Variants in MROH1 observed in about 807,000 individuals in gnomAD.
The protein encoded by MROH1 is maestro heat like repeat family member 1, also known as maestro heat-like repeat-containing protein family member 1.
MROH1 carries 117 observed loss-of-function variants against 116.5 expected under a neutral mutation model. That is an observed-to-expected ratio of 1.00 (90% CI 0.86 to 1.17). The LOEUF (loss-of-function observed/expected upper bound fraction) is 1.17, where lower values mean the gene tolerates loss of function less well. MROH1 is among the 50% of genes most tolerant of loss of function. The probability of loss-of-function intolerance (pLI) is 0.00; values close to 1 mark genes in which losing one functional copy is unlikely to be tolerated. For synonymous variants in MROH1, 921 were observed against 583.9 expected (o/e 1.58, Z -8.32); for missense variants, 1,873 against 1,338.5 (o/e 1.40, Z -6.23).
intron 1 of MROH1, among the ~76,000 whole-genome samples, chr8:144,148,486 G>C (rs1454231066): frequency 3.3e-5 from 5 of 152,074 alleles, no homozygotes; most frequent in African/African-American, 1.2e-4. Flanking sequence ...GGTGGTCCCC[G>C]GCCCTTCTCC....
intron 11 of MROH1, among the ~76,000 whole-genome samples, chr8:144,199,628 C>T (rs1830668531): frequency 1.3e-5 from 2 of 152,238 alleles, no homozygotes; most frequent in Non-Finnish European, 2.9e-5. Context: ...TCACCACCCC[C>T]ACTGGATGCT....
intron 1 of MROH1, among the ~76,000 whole-genome samples, chr8:144,149,243 G>A (rs1816159693): frequency 6.6e-6 from 1 of 152,168 alleles, no homozygotes; most frequent in Non-Finnish European, 1.5e-5. Flanking sequence ...GCTGCCGTCA[G>A]CAGGATCTTC....
Position 144,261,788 on chromosome 8 carries a change from C to T in MROH1, c.*48C>T. On this transcript the variant is annotated 3_prime_UTR_variant, in exon 44 of 44. Coordinates refer to ENST00000326134, the MANE Select transcript of MROH1 (RefSeq NM_032450.3). ...GAGGAGTATGCACCCAGACCTGTGC[C>T]TGAGCTCCAAGACAGGGCCTCCTGA... is the stretch of plus-strand genomic sequence containing the variant. 1 of 700,316 alleles carries T rather than the reference C, an allele frequency of 1.4e-6. No individual in the cohort carries two copies. 43.4% of individuals were successfully genotyped at this position (700,316 alleles called of 1,614,324 possible). A position where few individuals can be genotyped will look rare whatever the true frequency, so the allele number is the denominator to read the frequency against.
chr8:144,251,519 T>C (rs1842842559), intron 33 of MROH1: 1 of 152,268 alleles, frequency 6.6e-6, no homozygotes, highest in Admixed American at 6.5e-5. Flanking sequence ...CTTTTAGCGT[T>C]TGCCCTAAAG....
chr8:144,190,661 G>A, intron 7 of MROH1, 123 bp from the exon 8 acceptor site: 2 of 1,136,940 alleles, frequency 1.8e-6, no homozygotes, highest in African/African-American at 1.6e-5. Flanking sequence ...TGCTTGGCTG[G>A]TGTTCTAGGG....
chr8:144,166,227 C>T (rs562164403), intron 3 of MROH1, among the ~76,000 whole-genome samples: 1 of 152,302 alleles, frequency 6.6e-6, no homozygotes, highest in South Asian at 2.1e-4. Context: ...AAGGTGCAGC[C>T]CAAAGGCCCC....
At position 144,200,524 on chromosome 8, in the gene MROH1, A is replaced by C; in HGVS notation, c.1124A>C (p.His375Pro). ...GTGGGCACCCTGCAGGTGGTCAGACATGTCATCAACTCAGCTGGTGAGTGC... is the reference window on the plus strand; with the variant it reads ...GTGGGCACCCTGCAGGTGGTCAGACCTGTCATCAACTCAGCTGGTGAGTGC... The part of the protein sequence containing the change: ...TRVGTLQVVR[H>P]VINSAAAQME... The change falls in exon 12 of 44, where the codon CAT (histidine) becomes CCT (proline). Residue 375 changes from histidine (H) to proline (P), a missense_variant. Transcript: ENST00000326134. 6.4e-7 allele frequency: 1 copy of C among 1,550,980 alleles called. No homozygotes were observed. Among genetic ancestry groups the C allele is most frequent in the Middle Eastern group, 1.7e-4 (1 of 5,812 alleles).
chr8:144,178,101 A>C (rs952255942), intron 4 of MROH1, among the ~76,000 whole-genome samples: 1 of 149,386 alleles, frequency 6.7e-6, no homozygotes, highest in African/African-American at 2.5e-5. Context: ...CTGGGATTAC[A>C]GGTGCCGGCC....
chr8:144,236,613 G>A (rs1840081205), intron 14 of MROH1, among the ~76,000 whole-genome samples: 2 of 151,712 alleles, frequency 1.3e-5, no homozygotes, highest in Non-Finnish European at 2.9e-5. Context: ...TATGGTGGTG[G>A]GCGCCTGTAA....
intron 10 of MROH1, among the ~76,000 whole-genome samples, chr8:144,197,453 T>TTTTTTTTG: frequency 1.6e-5 from 2 of 121,286 alleles, no homozygotes; most frequent in African/African-American, 2.9e-5. Flanking sequence ...TTTTTTTTTT[T>TTTTTTTTG]GAGACGGAAT....
intron 12 of MROH1, among the ~76,000 whole-genome samples, chr8:144,216,152 C>T (rs1835209094): frequency 6.6e-6 from 1 of 151,634 alleles, no homozygotes; most frequent in South Asian, 2.1e-4. Flanking sequence ...GCACTCCAGC[C>T]TGGGCAGCAA....
At chr8:144,220,505 G>A (rs2132367679) in intron 12 of MROH1, 95 bp from the exon 13 acceptor site, 1 of 1,061,886 alleles carries the variant, frequency 9.4e-7, no homozygotes, top group Non-Finnish European at 1.4e-6. Flanking sequence ...CTCCTACACG[G>A]GGACCACGGG....
At chr8:144,198,776 C>A (rs1393942523) in intron 10 of MROH1, among the ~76,000 whole-genome samples, 2 of 152,134 alleles carry the variant, frequency 1.3e-5, no homozygotes, top group African/African-American at 4.8e-5. Context: ...TCTTGGGAAT[C>A]TCTTTTCCTG....
Position 144,192,290 on chromosome 8 carries a change from TTC to T in MROH1, c.856-16_856-15del. 6.4e-7 allele frequency: 1 copy of T among 1,570,306 alleles called. No homozygotes were observed. The highest frequency in any genetic ancestry group is 8.6e-7 in the Non-Finnish European group (1 of 1,160,442). On this transcript the variant is annotated splice_polypyrimidine_tract_variant and intron_variant, in intron 9 of 43. Transcript: ENST00000326134. ...GGCTGGAGGTAGGACTGACGGCCTC[TTC>T]TCCCTACCCGGAGCAGAGCCTGGGC...
At chr8:144,179,839 G>A (rs1825098116) in intron 5 of MROH1, among the ~76,000 whole-genome samples, 2 of 152,180 alleles carry the variant, frequency 1.3e-5, no homozygotes. Flanking sequence ...TGTGCGTGCA[G>A]CTGGGGCCAA....
At position 144,159,281 on chromosome 8, in the gene MROH1, C is replaced by G. The variant is rs138692192; in HGVS notation, c.-176-1689C>G. 6.6e-5 allele frequency among the ~76,000 whole-genome samples: 10 copies of G among 152,254 alleles called. No individual in the cohort carries two copies. In the Middle Eastern group the frequency reaches 0.01, roughly 155 times the overall value. ...GCTGAGGCAGGAGAATCACTTAAAC[C>G]CGGAAGGCGGAGGTTGTAGTGAGCC... On this transcript the variant is annotated intron_variant, in intron 1 of 43. Transcript: ENST00000326134.
In MROH1 at chr8:144,260,350, C is replaced by T; in HGVS notation, c.4356C>T (p.Ile1452=). ...GCTCAGGGCTGCTGCACGTGGCCAT[C>T]CGCATCCGGCCTTTCTTCGACAGTG... ...DLRSGLLHVA[I]RIRPFFDSEK... is the part of the protein sequence containing the mutation. The change falls in exon 39 of 44, where the codon ATC becomes ATT. Residue 1452 remains isoleucine (I), a synonymous_variant. Coordinates refer to ENST00000326134, the MANE Select transcript of MROH1 (RefSeq NM_032450.3). 1 of 728,282 alleles carries T rather than the reference C, an allele frequency of 1.4e-6. No homozygotes were observed. Among genetic ancestry groups the T allele is most frequent in the Non-Finnish European group, 2.5e-6 (1 of 397,614 alleles). 45.1% of individuals were successfully genotyped at this position (728,282 alleles called of 1,614,324 possible). A position where few individuals can be genotyped will look rare whatever the true frequency, so the allele number is the denominator to read the frequency against.
rs1031224101 is a variant in MROH1, at chr8:144,261,348, G to C, written c.4839G>C (p.Ala1613=). 14 of 706,084 alleles carry C rather than the reference G, an allele frequency of 2.0e-5. No homozygotes were observed. In the African/African-American group the frequency reaches 2.4e-4, roughly 12 times the overall value. The allele number at this position is 706,084 out of a possible 1,614,324, so 43.7% of individuals were successfully genotyped here. ...AGGTGGACCTGGACCAGCTCATTGC[G>C]GGTGAGCACCCCTCCACGGGGCCCC... ...QPQVDLDQLI[A]ALQILLKDPA... is the part of the protein sequence containing the mutation. Residue 1613 remains alanine, a splice_region_variant and synonymous_variant, in exon 43 of 44, where the codon GCG becomes GCC. Coordinates refer to ENST00000326134, the MANE Select transcript of MROH1 (RefSeq NM_032450.3).
At chr8:144,247,538 C>A in intron 30 of MROH1, 29 bp from the exon 31 acceptor site, 1 of 763,784 alleles carries the variant, frequency 1.3e-6, no homozygotes, top group East Asian at 2.5e-5. Flanking sequence ...AGGGCCTGGG[C>A]CCGACTGCTC....
Sources: gnomAD v4.1 joint callset for allele counts (sites outside exome capture counted in the v4.1 genomes callset) on GRCh38, gnomAD v4.1.1 for gene constraint, MANE v1.5 for transcripts, NCBI Gene and HGNC (gene_info 2026-07-23, HGNC 2026-07-21) for gene names.